The following LARS2 variants were observed in gnomAD, a reference collection of about 807,000 sequenced individuals.
LARS2 encodes the protein leucine--tRNA ligase, mitochondrial.
A neutral mutation model predicts 116.6 loss-of-function variants in LARS2; 81 were observed. The ratio of observed to expected loss-of-function variants is 0.69; its 90% confidence interval spans 0.58 to 0.84. LARS2 has a LOEUF of 0.84. Among genes scored for constraint, LARS2 ranks in the 40% least tolerant of loss-of-function variants. The probability of loss-of-function intolerance (pLI) is 0.00; values close to 1 mark genes in which losing one functional copy is unlikely to be tolerated. For synonymous variants in LARS2, 396 were observed against 407.2 expected (o/e 0.97, Z 0.33); for missense variants, 968 against 1,114.5 (o/e 0.87, Z 1.87).
chr3:45,457,344 A>C (rs574869065), intron 7 of LARS2, among the ~76,000 whole-genome samples: 1 of 152,322 alleles, frequency 6.6e-6, no homozygotes, highest in East Asian at 1.9e-4. Context: ...GGAGGGGCAA[A>C]TGGGTAATAG....
intron 4 of LARS2, among the ~76,000 whole-genome samples, chr3:45,415,000 T>C (rs1698391334): frequency 6.6e-6 from 1 of 152,200 alleles, no homozygotes; most frequent in Admixed American, 6.5e-5. Context: ...TTCCTGAGAC[T>C]GTCCCCTGAT....
At chr3:45,435,626 G>A (rs1005970157) in intron 6 of LARS2, among the ~76,000 whole-genome samples, 1 of 148,760 alleles carries the variant, frequency 6.7e-6, no homozygotes, top group Admixed American at 6.7e-5. Flanking sequence ...TACCTTTTCT[G>A]TTTTCCTTTC....
intron 20 of LARS2, among the ~76,000 whole-genome samples, chr3:45,537,675 C>T (rs987982979): frequency 1.1e-4 from 16 of 152,162 alleles, no homozygotes; most frequent in African/African-American, 3.1e-4. Context: ...AGGGATCGGA[C>T]GCCGCAGAGT....
At chr3:45,513,099 C>T (rs1165078915) in intron 15 of LARS2, 36 bp from the exon 16 acceptor site, 3 of 1,388,182 alleles carry the variant, frequency 2.2e-6, no homozygotes, top group African/African-American at 2.8e-5. Context: ...TCATGTCCCA[C>T]TCCTCCTGTT....
intron 19 of LARS2, among the ~76,000 whole-genome samples, chr3:45,523,298 T>C (rs984262106): frequency 2.6e-5 from 4 of 152,164 alleles, no homozygotes; most frequent in Admixed American, 2.0e-4. Context: ...CCTAGGTGTT[T>C]CACAGTTTAA....
chr3:45,473,366 G>GTGTTTT (rs1248644332), intron 8 of LARS2, among the ~76,000 whole-genome samples: 1 of 150,466 alleles, frequency 6.6e-6, no homozygotes, highest in Non-Finnish European at 1.5e-5. Flanking sequence ...GTGTGTGTGT[G>GTGTTTT]TGTTTTTGTT....
At chr3:45,523,851 A>C (rs1047087466) in intron 19 of LARS2, 146 bp from the exon 20 acceptor site, 52 of 594,838 alleles carry the variant, frequency 8.7e-5, no homozygotes, top group Non-Finnish European at 1.3e-4. Flanking sequence ...AAGTAGGGGA[A>C]GTTCATTGTC....
At chr3:45,432,527 A>G (rs2125695800) in intron 6 of LARS2, among the ~76,000 whole-genome samples, 2 of 152,254 alleles carry the variant, frequency 1.3e-5, no homozygotes, top group South Asian at 4.1e-4. Flanking sequence ...TAATTAAACA[A>G]CACGCTCTTA....
At chr3:45,540,991 A>C (rs1700787108) in intron 20 of LARS2, among the ~76,000 whole-genome samples, 1 of 151,876 alleles carries the variant, frequency 6.6e-6, no homozygotes, top group South Asian at 2.1e-4. Flanking sequence ...TGTGTTCCCC[A>C]GCCTTGTCTT....
At chr3:45,475,560 G>A (rs549344051) in intron 9 of LARS2, among the ~76,000 whole-genome samples, 1 of 152,360 alleles carries the variant, frequency 6.6e-6, no homozygotes, top group African/African-American at 2.4e-5. Context: ...AGCATTCGGT[G>A]TGGGTCTCTG....
chr3:45,458,989 A>G (rs1699264552), intron 8 of LARS2, 103 bp downstream of exon 8: 2 of 1,213,712 alleles, frequency 1.6e-6, no homozygotes, highest in South Asian at 1.3e-5. Flanking sequence ...GTTGAGCTCT[A>G]GGAAGGGCTG....
intron 18 of LARS2, 73 bp downstream of exon 18, chr3:45,518,145 T>C: frequency 1.6e-6 from 2 of 1,224,444 alleles, no homozygotes; most frequent in Non-Finnish European, 2.3e-6. Flanking sequence ...CTGTGGTCTT[T>C]GCTGCCCTCC....
chr3:45,471,900 A>G (rs1047944797), intron 8 of LARS2, among the ~76,000 whole-genome samples: 3 of 152,218 alleles, frequency 2.0e-5, no homozygotes, highest in African/African-American at 7.2e-5. Flanking sequence ...TATAATTAAC[A>G]TATTCAAGAT....
At chr3:45,462,583 A>G (rs1344050037) in intron 8 of LARS2, among the ~76,000 whole-genome samples, 1 of 152,150 alleles carries the variant, frequency 6.6e-6, no homozygotes, top group Non-Finnish European at 1.5e-5. Context: ...TTCAAGGGAG[A>G]CTAGGAAAGC....
intron 15 of LARS2, among the ~76,000 whole-genome samples, chr3:45,502,862 A>G (rs562254918): frequency 5.3e-5 from 8 of 151,892 alleles, no homozygotes; most frequent in Non-Finnish European, 1.2e-4. Context: ...TAGTATTTTC[A>G]TGGTATCTTT....
intron 13 of LARS2, among the ~76,000 whole-genome samples, chr3:45,493,116 T>C (rs991712801): frequency 2.6e-5 from 4 of 152,002 alleles, no homozygotes; most frequent in African/African-American, 9.7e-5. Flanking sequence ...TTTTTTTTTT[T>C]TGAGATGGAG....
intron 13 of LARS2, among the ~76,000 whole-genome samples, chr3:45,494,262 G>T (rs750914396): frequency 5.3e-5 from 8 of 152,196 alleles, no homozygotes; most frequent in Non-Finnish European, 8.8e-5. Context: ...GGAGCTGGAG[G>T]ACTATGTGGG....
At chr3:45,412,056 G>A (rs1698340083) in intron 4 of LARS2, among the ~76,000 whole-genome samples, 1 of 152,118 alleles carries the variant, frequency 6.6e-6, no homozygotes, top group South Asian at 2.1e-4. Flanking sequence ...ATTCTATGCT[G>A]TAAACGTACC....
chr3:45,469,913 AC>A (rs1161426623), intron 8 of LARS2, among the ~76,000 whole-genome samples: 1 of 152,188 alleles, frequency 6.6e-6, no homozygotes. Context: ...ATCAAATCAT[AC>A]CAATTTATAA....
Sources: gnomAD v4.1 joint callset for allele counts (sites outside exome capture counted in the v4.1 genomes callset) on GRCh38, gnomAD v4.1.1 for gene constraint, MANE v1.5 for transcripts, NCBI Gene and HGNC (gene_info 2026-07-23, HGNC 2026-07-21) for gene names.